The following EPOR variants were observed in gnomAD, a reference collection of about 807,000 sequenced individuals.
The protein encoded by EPOR is erythropoietin receptor.
EPOR carries 20 observed loss-of-function variants against 34.3 expected under a neutral mutation model. That is an observed-to-expected ratio of 0.58 (90% CI 0.41 to 0.85). The LOEUF is 0.85. EPOR is among the 40% of genes least tolerant of loss of function. The pLI, the probability that EPOR is intolerant of heterozygous loss-of-function variation, is 0.00. For missense variants in EPOR, 601 were observed against 672.7 expected (o/e 0.89, Z 1.18); for synonymous variants, 312 against 299.0 (o/e 1.04, Z -0.45).
At position 11,383,132 on chromosome 19, in the gene EPOR, C is replaced by T; in HGVS notation, c.216G>A (p.Val72=). ...AGGAGAAGCTGTAGTTGCCCGGGCC[C>T]ACCCCAGCGCTCGCCGCTTCCTCCC... ...CFWEEAASAG[V]GPGNYSFSYQ... is the part of the protein sequence containing the mutation. The change falls in exon 2 of 8, where the codon GTG becomes GTA. Residue 72 remains valine (V), a synonymous_variant. Coordinates refer to ENST00000222139, the MANE Select transcript of EPOR (RefSeq NM_000121.4). This position sits in a 1 kb window ranked among gnomAD's most constrained non-coding sequence, Gnocchi z 4.9. 2 of 1,613,700 alleles carry T rather than the reference C, an allele frequency of 1.2e-6. No individual in the cohort carries two copies. The highest frequency in any genetic ancestry group is 1.7e-6 in the Non-Finnish European group (2 of 1,179,952).
rs776028767 is a variant in EPOR at position 11,377,817 on chromosome 19, T to G, written c.*167A>C. On this transcript the variant is annotated 3_prime_UTR_variant, in exon 8 of 8. Coordinates refer to ENST00000222139, the MANE Select transcript of EPOR (RefSeq NM_000121.4). ...GATACAAAAAAAAACTATACATATT[T>G]AAAAATACTGCAAGGTTGTGGTTTC... The G allele has an allele frequency of 4.9e-6, 4 of 813,706 alleles. No individual in the cohort carries two copies. Among genetic ancestry groups the G allele is most frequent in the South Asian group, 4.0e-5 (3 of 74,582 alleles). 50.4% of individuals were successfully genotyped at this position (813,706 alleles called of 1,614,324 possible).
rs1202337419 is a variant in EPOR, at chr19:11,378,607, G to T, written c.916-12C>A. On this transcript the variant is annotated splice_polypyrimidine_tract_variant and intron_variant, in intron 7 of 7. Coordinates refer to ENST00000222139, the MANE Select transcript of EPOR (RefSeq NM_000121.4). This position sits in a 1 kb window ranked among gnomAD's most constrained non-coding sequence, Gnocchi z 5.3. ...TGGTACAGCCACAGCTGAAGAAATAGCACCAACCTGCTCAGAGAGGCCTGC... is the reference window on the plus strand; with the variant it reads ...TGGTACAGCCACAGCTGAAGAAATATCACCAACCTGCTCAGAGAGGCCTGC... 1 of 1,614,048 alleles carries T rather than the reference G, an allele frequency of 6.2e-7. No homozygotes were observed. The highest frequency in any genetic ancestry group is 2.2e-5 in the East Asian group (1 of 44,900).
At position 11,381,911 on chromosome 19, in the gene EPOR, C is replaced by A. The variant is rs2144698548; in HGVS notation, c.427+19G>T. The A allele has an allele frequency of 6.2e-7, 1 of 1,614,222 alleles. No individual in the cohort carries two copies. The highest frequency in any genetic ancestry group is 1.1e-5 in the South Asian group (1 of 91,088). ...GAGACCCTCTCCTCCGACCACTCCT[C>A]CATTCCCAGAGCACTTACCTACTTC... On this transcript the variant is annotated intron_variant, in intron 3 of 7. Coordinates refer to ENST00000222139, the MANE Select transcript of EPOR (RefSeq NM_000121.4). The surrounding 1 kb of genome is among the most constrained non-coding windows in gnomAD (Gnocchi z 5.3).
chr19:11,379,887 G>A (rs1364787160), intron 6 of EPOR, among the ~76,000 whole-genome samples: 1 of 152,190 alleles, frequency 6.6e-6, no homozygotes, highest in African/African-American at 2.4e-5. Flanking sequence ...TTTTAGTAGA[G>A]GTGGGGTTTC....
rs755011168 is a variant in EPOR at position 11,377,830 on chromosome 19, AG to A, written c.*153del. The A allele has an allele frequency of 2.4e-6, 2 of 847,524 alleles. No homozygotes were observed. The highest frequency in any genetic ancestry group is 4.1e-6 in the Non-Finnish European group (2 of 493,152). The allele number at this position is 847,524 out of a possible 1,614,324, so 52.5% of individuals were successfully genotyped here. A position where few individuals can be genotyped will look rare whatever the true frequency, so the allele number is the denominator to read the frequency against. ...ACTATACATATTTAAAAATACTGCAAGGTTGTGGTTTCCTGAGCAGGATGGA... is the reference window on the plus strand; with the variant it reads ...ACTATACATATTTAAAAATACTGCAAGTTGTGGTTTCCTGAGCAGGATGGA... On this transcript the variant is annotated 3_prime_UTR_variant, in exon 8 of 8. Coordinates refer to ENST00000222139, the MANE Select transcript of EPOR (RefSeq NM_000121.4).
At chr19:11,379,552 G>A (rs1968328153) in intron 6 of EPOR, among the ~76,000 whole-genome samples, 1 of 151,142 alleles carries the variant, frequency 6.6e-6, no homozygotes, top group African/African-American at 2.4e-5. Context: ...TACAGCTTGG[G>A]CGACAAGAGT....
chr19:11,384,234 A>T lies in EPOR; in HGVS notation c.-27T>A, dbSNP rs1221323282. 4.9e-6 allele frequency: 7 copies of T among 1,427,248 alleles called. No homozygotes were observed. Among genetic ancestry groups the T allele is most frequent in the Non-Finnish European group, 6.7e-6 (7 of 1,043,244 alleles). 88.4% of individuals were successfully genotyped at this position (1,427,248 alleles called of 1,614,324 possible). The stretch of plus-strand genomic sequence containing the variant: ...ATACAGCCCCCGCCACGGGGAGCCC[A>T]GGGCTCCTGCCCCTCCGTCCCCCGC... On this transcript the variant is annotated 5_prime_UTR_variant, in exon 1 of 8. Transcript: ENST00000222139.
Position 11,383,595 on chromosome 19 carries a change from C to T in EPOR, c.116-363G>A. On this transcript the variant is annotated intron_variant, in intron 1 of 7. Transcript: ENST00000222139. This position sits in a 1 kb window ranked among gnomAD's most constrained non-coding sequence, Gnocchi z 4.9. ...GAGGCGGGCCCCCTATCGGCCCCGG[C>T]AGGCTCCCCGCCAACCGATAGCGCC... 3.9e-6 allele frequency: 1 copy of T among 258,132 alleles called. No homozygotes were observed. Among genetic ancestry groups the T allele is most frequent in the Non-Finnish European group, 7.5e-6 (1 of 132,984 alleles). The allele number at this position is 258,132 out of a possible 1,614,324, so 16.0% of individuals were successfully genotyped here. A position where few individuals can be genotyped will look rare whatever the true frequency, so the allele number is the denominator to read the frequency against.
intron 6 of EPOR, 24 bp downstream of exon 6, chr19:11,380,860 C>T (rs1320727317): frequency 1.1e-5 from 17 of 1,536,570 alleles, no homozygotes; most frequent in African/African-American, 2.8e-5. Context: ...GAGTCTGGGC[C>T]CAGCGCCCAA....
Position 11,378,072 on chromosome 19 carries a change from A to G in EPOR, c.1439T>C (p.Leu480Ser), listed in dbSNP as rs199509853. ...SGDSQGAQGG[L>S]SDGPYSNPYE... ...AGGGTTGGAGTAGGGGCCATCGGAT[A>G]AGCCCCCTTGGGCTCCCTGGGAGTC... The change falls in exon 8 of 8, where the codon TTA (leucine) becomes TCA (serine). Residue 480 changes from leucine to serine, a missense_variant. Leu to Ser is a moderately radical substitution (Grantham distance 145, BLOSUM62 -2). Transcript: ENST00000222139. The surrounding 1 kb of genome is among the most constrained non-coding windows in gnomAD (Gnocchi z 5.3). The G allele has an allele frequency of 3.1e-6, 5 of 1,614,132 alleles. No homozygotes were observed. Among genetic ancestry groups the G allele is most frequent in the Admixed American group, 3.3e-5 (2 of 60,014 alleles).
rs2144698272 is a variant in EPOR at position 11,381,794 on chromosome 19, G to A, written c.483C>T (p.His161=). The part of the protein sequence containing the change: ...LVARLADESG[H]VVLRWLPPPE... Reference sequence around the variant, plus strand: ...GCGGCGGGAGCCAGCGCAACACTACGTGGCCGCTCTCGTCAGCCAACCGCG... The same window carrying A: ...GCGGCGGGAGCCAGCGCAACACTACATGGCCGCTCTCGTCAGCCAACCGCG... Residue 161 remains histidine, a synonymous_variant, in exon 4 of 8, where the codon CAC becomes CAT. Transcript: ENST00000222139. The surrounding 1 kb of genome is among the most constrained non-coding windows in gnomAD (Gnocchi z 5.3). 1.2e-6 allele frequency: 2 copies of A among 1,613,736 alleles called. No individual in the cohort carries two copies. The highest frequency in any genetic ancestry group is 1.1e-5 in the South Asian group (1 of 91,074).
rs920615612 is a variant in EPOR, at chr19:11,378,995, G to A, written c.828-217C>T. Reference sequence around the variant, plus strand: ...GGAACAGGGTATTGAAGGGTGCATAGGAGTTCAATATACCTTGGTCATTCT... The same window carrying A: ...GGAACAGGGTATTGAAGGGTGCATAAGAGTTCAATATACCTTGGTCATTCT... On this transcript the variant is annotated intron_variant, in intron 6 of 7. Coordinates refer to ENST00000222139, the MANE Select transcript of EPOR (RefSeq NM_000121.4). The surrounding 1 kb of genome is among the most constrained non-coding windows in gnomAD (Gnocchi z 5.3). 1.3e-5 allele frequency among the ~76,000 whole-genome samples: 2 copies of A among 152,054 alleles called. No homozygotes were observed. Among genetic ancestry groups the A allele is most frequent in the African/African-American group, 4.8e-5 (2 of 41,384 alleles).
In EPOR at chr19:11,378,473, C is replaced by T; in HGVS notation, c.1038G>A (p.Glu346=). 1 of 1,614,222 alleles carries T rather than the reference C, an allele frequency of 6.2e-7. No individual in the cohort carries two copies. Among genetic ancestry groups the T allele is most frequent in the Non-Finnish European group, 8.5e-7 (1 of 1,180,040 alleles). The change falls in exon 8 of 8, where the codon GAG becomes GAA. Residue 346 remains glutamate, a synonymous_variant. Coordinates refer to ENST00000222139, the MANE Select transcript of EPOR (RefSeq NM_000121.4). This position sits in a 1 kb window ranked among gnomAD's most constrained non-coding sequence, Gnocchi z 5.3. ...GGGGGCCCTCATCATCTGTCCCCGG[C>T]TCCACTGCCTGCATCGTCCCCCAGC... ...ERCWGTMQAV[E]PGTDDEGPLL...
chr19:11,382,704 G>T, intron 2 of EPOR: 1 of 675,272 alleles, frequency 1.5e-6, no homozygotes, highest in Non-Finnish European at 2.1e-6. Context: ...GTGTTGCCCA[G>T]GCTGGTCTTG....
chr19:11,381,413 G>A lies in EPOR; in HGVS notation c.586-204C>T, dbSNP rs2144697615. On this transcript the variant is annotated intron_variant, in intron 4 of 7. Transcript: ENST00000222139. The surrounding 1 kb of genome is among the most constrained non-coding windows in gnomAD (Gnocchi z 5.3). ...TCTGGTACGAAAGGGCGGGACCCGG[G>A]CAATTTAATATCTGGGCTAGCACTC... is the stretch of plus-strand genomic sequence containing the variant. The A allele has an allele frequency of 2.9e-6, 2 of 696,528 alleles. No individual in the cohort carries two copies. The highest frequency in any genetic ancestry group is 1.8e-5 in the South Asian group (1 of 54,958). 43.1% of individuals were successfully genotyped at this position (696,528 alleles called of 1,614,324 possible). A position where few individuals can be genotyped will look rare whatever the true frequency, so the allele number is the denominator to read the frequency against.
Position 11,378,278 on chromosome 19 carries a change from G to T in EPOR, c.1233C>A (p.Ala411=), listed in dbSNP as rs149300172. 14 of 1,613,948 alleles carry T rather than the reference G, an allele frequency of 8.7e-6. No homozygotes were observed. The highest frequency in any genetic ancestry group is 1.1e-5 in the Non-Finnish European group (13 of 1,180,024). Residue 411 remains alanine (A), a synonymous_variant, in exon 8 of 8, where the codon GCC becomes GCA. Coordinates refer to ENST00000222139, the MANE Select transcript of EPOR (RefSeq NM_000121.4). This position sits in a 1 kb window ranked among gnomAD's most constrained non-coding sequence, Gnocchi z 5.3. The stretch of plus-strand genomic sequence containing the variant: ...AGGCTCCCTCTGGGCTGGGCTTCGA[G>T]GCCAAAGCAGATGAGCAGGAGGATG... The part of the protein sequence containing the change: ...SEASSCSSAL[A]SKPSPEGASA...
rs142951311 is a variant in EPOR, at chr19:11,380,910, G to A, written c.801C>T (p.Thr267=). 1.9e-6 allele frequency: 3 copies of A among 1,551,804 alleles called. No homozygotes were observed. The highest frequency in any genetic ancestry group is 2.4e-5 in the South Asian group (2 of 84,076). ...GGCGGTGGGAGAGCAGCGCGAGCACGGTCAGCAGCACCAGGATGACCACGA... is the reference window on the plus strand; with the variant it reads ...GGCGGTGGGAGAGCAGCGCGAGCACAGTCAGCAGCACCAGGATGACCACGA... The part of the protein sequence containing the change: ...LILVVILVLL[T]VLALLSHRRA... Residue 267 remains threonine (T), a synonymous_variant, in exon 6 of 8, where the codon ACC becomes ACT. Transcript: ENST00000222139.
chr19:11,382,947 G>A lies in EPOR; in HGVS notation c.251+150C>T, dbSNP rs774803580. The stretch of plus-strand genomic sequence containing the variant: ...GCCCCGGCCCATAGAGGGCGTGCCA[G>A]CCCTGGACCCGCAGGTTTCCCTCCA... On this transcript the variant is annotated intron_variant, in intron 2 of 7. Coordinates refer to ENST00000222139, the MANE Select transcript of EPOR (RefSeq NM_000121.4). The A allele has an allele frequency of 6.4e-6, 10 of 1,555,306 alleles. No homozygotes were observed. The East Asian group carries it at 2.4e-4, about 37-fold the overall frequency.
chr19:11,378,403 C>G lies in EPOR; in HGVS notation c.1108G>C (p.Val370Leu). ...GSEHAQDTYLVLDKWLLPRNP... is the reference protein window; with the variant it reads ...GSEHAQDTYLLLDKWLLPRNP... ...CGGGGCAGCAACCATTTGTCCAGCACCAGATAGGTATCCTGGGCATGCTCA... is the reference window on the plus strand; with the variant it reads ...CGGGGCAGCAACCATTTGTCCAGCAGCAGATAGGTATCCTGGGCATGCTCA... Residue 370 changes from valine to leucine, a missense_variant, in exon 8 of 8, where the codon GTG becomes CTG. Transcript: ENST00000222139. The surrounding 1 kb of genome is among the most constrained non-coding windows in gnomAD (Gnocchi z 5.3). The G allele has an allele frequency of 6.2e-7, 1 of 1,613,904 alleles. No homozygotes were observed. Among genetic ancestry groups the G allele is most frequent in the Non-Finnish European group, 8.5e-7 (1 of 1,180,032 alleles).
Sources: gnomAD v4.1 joint callset for allele counts (sites outside exome capture counted in the v4.1 genomes callset) on GRCh38, gnomAD v4.1.1 for gene constraint, Gnocchi (gnomAD v3.1) non-coding constraint, MANE v1.5 for transcripts, NCBI Gene and HGNC (gene_info 2026-07-23, HGNC 2026-07-21) for gene names.